The following MAP4 variants were observed in gnomAD, a reference collection of about 807,000 sequenced individuals.
MAP4 encodes microtubule-associated protein 4.
Under a neutral mutation model 170.2 loss-of-function variants are expected in MAP4, and 76 were observed. The observed-to-expected ratio is 0.45, with a 90% CI of 0.37 to 0.54. The LOEUF (loss-of-function observed/expected upper bound fraction) is 0.54, where lower values mean the gene tolerates loss of function less well. MAP4 is among the 20% of genes least tolerant of loss of function. The pLI is 0.00. For missense variants in MAP4, 2,506 were observed against 2,748.0 expected (o/e 0.91, Z 1.97); for synonymous variants, 909 against 994.5 (o/e 0.91, Z 1.62).
chr3:47,865,924 C>G (rs965881780), intron 17 of MAP4, among the ~76,000 whole-genome samples: 11 of 152,326 alleles, frequency 7.2e-5, no homozygotes, highest in Middle Eastern at 6.8e-3. Context: ...TCTCCCTAGA[C>G]CAGAACCTCC....
At chr3:47,863,859 T>C (rs1280029795) in intron 17 of MAP4, among the ~76,000 whole-genome samples, 2 of 151,148 alleles carry the variant, frequency 1.3e-5, no homozygotes, top group Non-Finnish European at 3.0e-5. Flanking sequence ...ACTAGGATCC[T>C]GTTTGGAGCC....
At chr3:48,057,847 C>T (rs1227598582) in intron 1 of MAP4, among the ~76,000 whole-genome samples, 1 of 152,038 alleles carries the variant, frequency 6.6e-6, no homozygotes, top group African/African-American at 2.4e-5. Context: ...CAAGGGATAT[C>T]TCTGTATTAT....
intron 3 of MAP4, among the ~76,000 whole-genome samples, chr3:47,948,226 T>TC (rs1214895632): frequency 1.6e-5 from 2 of 122,776 alleles, no homozygotes; most frequent in African/African-American, 6.0e-5. Flanking sequence ...TGACCTATTC[T>TC]TTTTTTTTTT....
At chr3:47,875,996 C>T in intron 11 of MAP4, 96 bp from the exon 12 acceptor site, 2 of 919,496 alleles carry the variant, frequency 2.2e-6, no homozygotes, top group South Asian at 1.6e-5. Flanking sequence ...GTATAAATTG[C>T]ACAATTCAAA....
At chr3:47,947,461 C>T (rs535699838) in intron 3 of MAP4, among the ~76,000 whole-genome samples, 32 of 152,224 alleles carry the variant, frequency 2.1e-4, no homozygotes, top group Non-Finnish European at 3.5e-4. Flanking sequence ...GCCTCATTTC[C>T]TCTTAGTGTA....
At chr3:48,068,345 T>C (rs755429582) in intron 1 of MAP4, among the ~76,000 whole-genome samples, 7 of 150,382 alleles carry the variant, frequency 4.7e-5, no homozygotes, top group Non-Finnish European at 1.0e-4. Flanking sequence ...ATTAACTGAA[T>C]CCTTGGCTGT....
chr3:47,945,001 G>C (rs1014374668), intron 3 of MAP4, among the ~76,000 whole-genome samples: 2 of 150,688 alleles, frequency 1.3e-5, no homozygotes, highest in African/African-American at 4.9e-5. Flanking sequence ...AAATGATCTG[G>C]GGTTTGCTTC....
At chr3:48,076,702 C>T (rs922934225) in intron 1 of MAP4, among the ~76,000 whole-genome samples, 16 of 151,566 alleles carry the variant, frequency 1.1e-4, no homozygotes, top group Non-Finnish European at 1.8e-4. Flanking sequence ...AACGAACGAA[C>T]GAAAGAACAA....
Position 47,937,656 on chromosome 3 carries a change from CTTTTTTTTTT to C in MAP4, c.293-9316_293-9307del, listed in dbSNP as rs71070243. On this transcript the variant is annotated intron_variant, in intron 3 of 20. Coordinates refer to ENST00000683076, the MANE Select transcript of MAP4 (RefSeq NM_001385682.1). ...AGAACAGCTTTTCCTTTTTCTTCTT[CTTTTTTTTTT>C]TTTTTTTTTTTTGAGACGAAGTCTC... 1.8e-3 allele frequency among the ~76,000 whole-genome samples: 194 copies of C among 107,922 alleles called. 4 individuals carry two copies. In the South Asian group the frequency reaches 0.057, roughly 32 times the overall value. The allele number at this position is 107,922 out of a possible 152,430, so 70.8% of individuals were successfully genotyped here. A position where few individuals can be genotyped will look rare whatever the true frequency, so the allele number is the denominator to read the frequency against.
Position 47,870,924 on chromosome 3 carries a change from G to A in MAP4, c.6183C>T (p.Thr2061=), listed in dbSNP as rs1219299542. The part of the protein sequence containing the change: ...KKPTSAKPSS[T]TPRLSRLATN... The stretch of plus-strand genomic sequence containing the variant: ...TGGCCAGGCGGCTGAGCCGGGGGGT[G>A]GTGGAGCTGGGTTTGGCCGAGGTGG... Residue 2061 remains threonine, a synonymous_variant, in exon 15 of 21, where the codon ACC becomes ACT. Coordinates refer to ENST00000683076, the MANE Select transcript of MAP4 (RefSeq NM_001385682.1). The A allele has an allele frequency of 6.2e-7, 1 of 1,614,104 alleles. No individual in the cohort carries two copies. The highest frequency in any genetic ancestry group is 8.5e-7 in the Non-Finnish European group (1 of 1,179,994).
chr3:48,027,452 A>G (rs1237078160), intron 1 of MAP4, among the ~76,000 whole-genome samples: 1 of 152,218 alleles, frequency 6.6e-6, no homozygotes, highest in Non-Finnish European at 1.5e-5. Flanking sequence ...ACCTAGGTCA[A>G]ACAGGCCCCT....
At chr3:48,085,774 T>C (rs1015242240) in intron 1 of MAP4, among the ~76,000 whole-genome samples, 11 of 151,820 alleles carry the variant, frequency 7.2e-5, no homozygotes, top group Non-Finnish European at 1.5e-4. Flanking sequence ...ATTCAAAAAT[T>C]AGCCAGGCGC....
chr3:47,973,669 C>T (rs768736179), intron 3 of MAP4: 7 of 985,214 alleles, frequency 7.1e-6, no homozygotes, highest in Non-Finnish European at 8.4e-6. Flanking sequence ...AACGGAAAGT[C>T]ATACCCAGGC....
intron 1 of MAP4, among the ~76,000 whole-genome samples, chr3:48,056,851 T>G (rs1422380610): frequency 1.5e-3 from 71 of 47,176 alleles, no homozygotes; most frequent in African/African-American, 1.8e-3. Flanking sequence ...GGGGGGGGGG[T>G]CAGCCCCCCT....
At chr3:47,923,656 A>G (rs781679070) in intron 4 of MAP4, among the ~76,000 whole-genome samples, 1 of 151,152 alleles carries the variant, frequency 6.6e-6, no homozygotes, top group Non-Finnish European at 1.5e-5. Context: ...TATTTTCAAA[A>G]AACGGAAAAA....
intron 3 of MAP4, among the ~76,000 whole-genome samples, chr3:47,956,821 T>C (rs190285821): frequency 6.6e-6 from 1 of 152,326 alleles, no homozygotes; most frequent in African/African-American, 2.4e-5. Flanking sequence ...AAAATCATCA[T>C]GAAGGCTGTG....
rs184103371 is a variant in MAP4 at position 48,039,790 on chromosome 3, T to C, written c.-19-40911A>G. Among the ~76,000 whole-genome samples the C allele has an allele frequency of 3.3e-5, 5 of 152,300 alleles. No individual in the cohort carries two copies. The East Asian group carries it at 9.6e-4, about 29-fold the overall frequency. ...TAGCTTGAACTCTTCTTGCACTAAGTTAAAGGTTAAACAAAGTATCTGCAA... is the reference window on the plus strand; with the variant it reads ...TAGCTTGAACTCTTCTTGCACTAAGCTAAAGGTTAAACAAAGTATCTGCAA... On this transcript the variant is annotated intron_variant, in intron 1 of 18. Coordinates refer to the MAP4 transcript ENST00000360240.
intron 1 of MAP4, among the ~76,000 whole-genome samples, chr3:48,033,850 G>A (rs1028099402): frequency 3.3e-5 from 5 of 152,046 alleles, no homozygotes; most frequent in African/African-American, 7.2e-5. Flanking sequence ...TGATCTGCCC[G>A]CCTCAACCTC....
chr3:48,018,678 C>T (rs1406139096), upstream of MAP4, among the ~76,000 whole-genome samples: 1 of 152,096 alleles, frequency 6.6e-6, no homozygotes, highest in Admixed American at 6.6e-5. Context: ...TGGTGTGCAC[C>T]TGTAGTCCCA....
Sources: gnomAD v4.1 joint callset for allele counts (sites outside exome capture counted in the v4.1 genomes callset) on GRCh38, gnomAD v4.1.1 for gene constraint, MANE v1.5 for transcripts, NCBI Gene and HGNC (gene_info 2026-07-23, HGNC 2026-07-21) for gene names.